Variants in ACYP2 observed in about 807,000 individuals in gnomAD.
ACYP2 encodes acylphosphatase-2.
Under a neutral mutation model 11.2 loss-of-function variants are expected in ACYP2, and 12 were observed. The ratio of observed to expected loss-of-function variants is 1.08; its 90% CI spans 0.69 to 1.74. The LOEUF (loss-of-function observed/expected upper bound fraction) is 1.74. Among genes scored for constraint, ACYP2 ranks in the 40% most tolerant of loss-of-function variants. ACYP2 has a pLI of 0.00. For synonymous variants in ACYP2, 43 were observed against 32.2 expected (o/e 1.33, Z -1.13); for missense variants, 134 against 101.9 (o/e 1.31, Z -1.35).
chr2:54,144,737 T>C (rs1372394784), intron 6 of ACYP2, among the ~76,000 whole-genome samples: 1 of 152,102 alleles, frequency 6.6e-6, no homozygotes, highest in Non-Finnish European at 1.5e-5. Context: ...ATTCCTAATC[T>C]TGTAGAACTT....
intron 2 of ACYP2, among the ~76,000 whole-genome samples, chr2:54,003,012 A>C (rs1353574182): frequency 6.6e-6 from 1 of 151,608 alleles, no homozygotes; most frequent in Admixed American, 6.6e-5. Flanking sequence ...CAGTGGCATG[A>C]TCTAGGCTCA....
intron 4 of ACYP2, among the ~76,000 whole-genome samples, chr2:54,067,269 A>G (rs1240815911): frequency 6.6e-6 from 1 of 152,184 alleles, no homozygotes; most frequent in Non-Finnish European, 1.5e-5. Context: ...CAATTTTTAT[A>G]TTTGCTACAT....
At chr2:54,203,115 T>G (rs1432816441) in intron 6 of ACYP2, among the ~76,000 whole-genome samples, 1 of 152,170 alleles carries the variant, frequency 6.6e-6, no homozygotes, top group Non-Finnish European at 1.5e-5. Flanking sequence ...GATTGTCTTT[T>G]TATTTATTTA....
At chr2:54,092,067 G>A (rs1195468215) in intron 4 of ACYP2, among the ~76,000 whole-genome samples, 1 of 152,192 alleles carries the variant, frequency 6.6e-6, no homozygotes. Context: ...GCTATAGAGG[G>A]TGAGGGAGTT....
chr2:54,126,274 A>T (rs1476278370), intron 4 of ACYP2, among the ~76,000 whole-genome samples: 1 of 152,238 alleles, frequency 6.6e-6, no homozygotes, highest in African/African-American at 2.4e-5. Context: ...AACTATATTC[A>T]TAAGGAAGTA....
intron 6 of ACYP2, among the ~76,000 whole-genome samples, chr2:54,237,789 A>C (rs1686554616): frequency 6.6e-6 from 1 of 152,044 alleles, no homozygotes; most frequent in African/African-American, 2.4e-5. Flanking sequence ...GCTTTTGGCC[A>C]ATTTTTGCAA....
intron 6 of ACYP2, among the ~76,000 whole-genome samples, chr2:54,235,923 T>A (rs1686458443): frequency 6.6e-6 from 1 of 152,212 alleles, no homozygotes; most frequent in Middle Eastern, 3.2e-3. Flanking sequence ...TATTTAAGCT[T>A]GCTTTCTGTA....
rs531297455 is a variant in ACYP2, at chr2:54,088,474, C to T, written c.277+31114C>T. ...AACCTCAGGTGTCTGCCAGGGCCTG[C>T]GAGCACAAAGCCTCTTACTCTGCCC... On this transcript the variant is annotated intron_variant, in intron 4 of 6. Transcript: ENST00000607452. Among the ~76,000 whole-genome samples the T allele has an allele frequency of 1.1e-4, 17 of 152,246 alleles. No homozygotes were observed. The South Asian group carries it at 1.7e-3, about 15-fold the overall frequency.
At chr2:54,198,596 T>C (rs1684616444) in intron 6 of ACYP2, among the ~76,000 whole-genome samples, 1 of 144,660 alleles carries the variant, frequency 6.9e-6, no homozygotes, top group African/African-American at 2.6e-5. Flanking sequence ...TTGTTTAATG[T>C]CATTCTAAGT....
intron 6 of ACYP2, among the ~76,000 whole-genome samples, chr2:54,207,328 C>T (rs1685119443): frequency 6.6e-6 from 1 of 151,846 alleles, no homozygotes; most frequent in Non-Finnish European, 1.5e-5. Context: ...GATTCTGAAG[C>T]CTGGAAATGG....
At chr2:54,158,710 T>C (rs1240228989) in intron 6 of ACYP2, among the ~76,000 whole-genome samples, 1 of 152,222 alleles carries the variant, frequency 6.6e-6, no homozygotes, top group Non-Finnish European at 1.5e-5. Context: ...AATTATCAAG[T>C]GTTTTTCAAA....
At chr2:54,019,489 G>C (rs1346148088) in intron 2 of ACYP2, among the ~76,000 whole-genome samples, 2 of 151,914 alleles carry the variant, frequency 1.3e-5, no homozygotes, top group African/African-American at 4.8e-5. Flanking sequence ...CAATCCTCCA[G>C]CCTCGTTTTG....
intron 4 of ACYP2, among the ~76,000 whole-genome samples, chr2:54,126,404 T>C (rs558937425): frequency 6.6e-6 from 1 of 152,262 alleles, no homozygotes; most frequent in South Asian, 2.1e-4. Flanking sequence ...ATGAGATTGA[T>C]CAAAAATTGT....
chr2:54,176,769 A>AG (rs1683480141), intron 6 of ACYP2, among the ~76,000 whole-genome samples: 1 of 152,098 alleles, frequency 6.6e-6, no homozygotes, highest in South Asian at 2.1e-4. Flanking sequence ...CCTTGGCCTC[A>AG]GGGGGGCAGC....
chr2:54,152,137 G>T (rs12619484), intron 6 of ACYP2, among the ~76,000 whole-genome samples: 62,220 of 105,102 alleles, frequency 0.59, 14,261 homozygotes, highest in East Asian at 0.76. Context: ...TTTTTTTTTT[G>T]AGGCAGAGTT....
rs60167120 is a variant in ACYP2, at chr2:54,201,680, TTC to T, written c.404+62950_404+62951del. On this transcript the variant is annotated intron_variant, in intron 6 of 6. Coordinates refer to ENST00000607452, the MANE Select transcript of ACYP2 (RefSeq NM_001320586.2). ...TTTCTTTCTTTCTTTCTTTCTTTCT[TTC>T]TCTCTCTCTCTCTCTCTTTTTTCTT... is the stretch of plus-strand genomic sequence containing the variant. Among the ~76,000 whole-genome samples the T allele has an allele frequency of 3.1e-3, 335 of 107,334 alleles. 4 individuals carry two copies. The highest frequency in any genetic ancestry group is 7.1e-3 in the African/African-American group (191 of 26,762). 70.4% of individuals were successfully genotyped at this position (107,334 alleles called of 152,430 possible). A position where few individuals can be genotyped will look rare whatever the true frequency, so the allele number is the denominator to read the frequency against.
At position 54,188,607 on chromosome 2, in the gene ACYP2, CT is replaced by C. The variant is rs1322588915; in HGVS notation, c.404+49863del. On this transcript the variant is annotated intron_variant, in intron 6 of 6. Coordinates refer to ENST00000607452, the MANE Select transcript of ACYP2 (RefSeq NM_001320586.2). ...TGGGTATAGAATTTTTTATGTAGTA[CT>C]TTTCGTATTATAAGATGAACATACA... 2.0e-5 allele frequency among the ~76,000 whole-genome samples: 3 copies of C among 152,098 alleles called. No individual in the cohort carries two copies. In the East Asian group the frequency reaches 5.8e-4, roughly 29 times the overall value.
intron 4 of ACYP2, among the ~76,000 whole-genome samples, chr2:54,096,517 C>G: frequency 6.6e-6 from 1 of 152,096 alleles, no homozygotes; most frequent in East Asian, 1.9e-4. Flanking sequence ...GCCAAGATCA[C>G]GCCACTGCAC....
chr2:53,991,858 C>G (rs961265191), intron 2 of ACYP2, among the ~76,000 whole-genome samples: 2 of 152,004 alleles, frequency 1.3e-5, no homozygotes, highest in Admixed American at 1.3e-4. Context: ...TGGCTATTCA[C>G]AAGTGCGCTC....
Sources: allele counts gnomAD v4.1 joint callset (sites outside exome capture counted in the v4.1 genomes callset), GRCh38; gene constraint gnomAD v4.1.1; transcripts MANE v1.5; gene names NCBI Gene and HGNC (gene_info 2026-07-23, HGNC 2026-07-21).